Variants in PDE4D observed in about 807,000 individuals in gnomAD.
The protein encoded by PDE4D is phosphodiesterase 4D, also known as 3',5'-cyclic-AMP phosphodiesterase 4D.
PDE4D carries 24 observed loss-of-function variants against 87.4 expected under a neutral mutation model. The ratio of observed to expected loss-of-function variants is 0.27; its 90% CI spans 0.20 to 0.39. The LOEUF (loss-of-function observed/expected upper bound fraction) is 0.39. Ranked by LOEUF, PDE4D falls within the 10% of genes least tolerant of loss-of-function variation. The pLI, the probability that PDE4D is intolerant of heterozygous loss-of-function variation, is 1.00. For missense variants in PDE4D, 714 were observed against 1,041.0 expected, an observed-to-expected ratio of 0.69 and a Z score of 4.32; for synonymous variants, 384 against 383.2, an observed-to-expected ratio of 1.00 and a Z score of -0.02.
intron 1 of PDE4D, among the ~76,000 whole-genome samples, chr5:59,517,406 C>G (rs977797305): frequency 2.0e-5 from 3 of 152,140 alleles, no homozygotes; most frequent in Admixed American, 2.0e-4. Flanking sequence ...TTTTAAAGAT[C>G]AAATGCCTAC....
At position 59,185,208 on chromosome 5, in the gene PDE4D, G is replaced by C. The variant is rs1742621005; in HGVS notation, c.739C>G (p.Gln247Glu). ...TCTTACTTGCTAGGTGCTCGATCTT[G>C]CAAATTAGTTAATGCAGCAAAGTTG... The part of the protein sequence containing the change: ...RNNFAALTNL[Q>E]DRAPSKRSPM... Residue 247 changes from glutamine to glutamate, a missense_variant, in exon 4 of 15, where the codon CAA becomes GAA. Physicochemically the swap from Gln to Glu is conservative, Grantham distance 29. This residue lies in a region of PDE4D where 90 missense variants were observed against 177.6 expected (regional missense o/e 0.51). Coordinates refer to ENST00000340635, the MANE Select transcript of PDE4D (RefSeq NM_001104631.2). The C allele has an allele frequency of 6.2e-7, 1 of 1,612,588 alleles. No homozygotes were observed. The highest frequency in any genetic ancestry group is 8.5e-7 in the Non-Finnish European group (1 of 1,178,872).
Position 58,972,994 on chromosome 5 carries a change from G to T in PDE4D, c.*1670C>A, listed in dbSNP as rs999658660. 1.3e-5 allele frequency: 2 copies of T among 152,164 alleles called. No individual in the cohort carries two copies. Among genetic ancestry groups the T allele is most frequent in the Non-Finnish European group, 2.9e-5 (2 of 68,034 alleles). The allele number at this position is 152,164 out of a possible 1,614,324, so 9.4% of individuals were successfully genotyped here. A position where few individuals can be genotyped will look rare whatever the true frequency, so the allele number is the denominator to read the frequency against. ...TTCCCCTCTGCAAGATATGCTTATG[G>T]ATCGAGGATAAGTGATAAAGGACTT... On this transcript the variant is annotated 3_prime_UTR_variant, in exon 15 of 15. Coordinates refer to ENST00000340635, the MANE Select transcript of PDE4D (RefSeq NM_001104631.2).
chr5:60,108,008 G>C (rs911184786), intron 2 of PDE4D, among the ~76,000 whole-genome samples: 1 of 152,080 alleles, frequency 6.6e-6, no homozygotes, highest in African/African-American at 2.4e-5. Context: ...GTTCTGACCA[G>C]GGCAATTAAG....
intron 1 of PDE4D, among the ~76,000 whole-genome samples, chr5:59,594,927 A>G (rs1360428950): frequency 1.3e-5 from 2 of 151,886 alleles, no homozygotes; most frequent in Non-Finnish European, 2.9e-5. Flanking sequence ...AAAAAAATGT[A>G]CCACTTTTGT....
intron 3 of PDE4D, among the ~76,000 whole-genome samples, chr5:59,967,228 A>G (rs1760145790): frequency 6.6e-6 from 1 of 152,156 alleles, no homozygotes; most frequent in Admixed American, 6.6e-5. Context: ...GAAATTGCAA[A>G]ACATTCAAAT....
chr5:58,976,079 G>C (rs1413586020), intron 13 of PDE4D, among the ~76,000 whole-genome samples: 1 of 152,094 alleles, frequency 6.6e-6, no homozygotes, highest in Non-Finnish European at 1.5e-5. Flanking sequence ...TTATGTGCAT[G>C]GCTGACTAGA....
chr5:59,819,513 T>C (rs542909854), intron 1 of PDE4D, among the ~76,000 whole-genome samples: 1 of 152,340 alleles, frequency 6.6e-6, no homozygotes, highest in East Asian at 1.9e-4. Context: ...AATGCTGATG[T>C]TATTTCTACG....
At chr5:60,460,665 C>T in intron 1 of PDE4D, 1 of 1,111,356 alleles carries the variant, frequency 9.0e-7, no homozygotes, top group Non-Finnish European at 1.4e-6. Context: ...CCAATGTCTC[C>T]TCCGGTCCCA....
chr5:59,540,879 G>A (rs1162745789), intron 1 of PDE4D, among the ~76,000 whole-genome samples: 4 of 152,126 alleles, frequency 2.6e-5, no homozygotes, highest in Non-Finnish European at 2.9e-5. Context: ...TCATTGTGCT[G>A]AGAAGAGCAA....
intron 3 of PDE4D, among the ~76,000 whole-genome samples, chr5:59,912,359 G>A (rs1053048984): frequency 9.9e-5 from 15 of 152,052 alleles, no homozygotes; most frequent in African/African-American, 2.9e-4. Context: ...AATATTTCCC[G>A]GGAAGGAAAA....
At chr5:59,957,019 G>T (rs1758905943) in intron 3 of PDE4D, among the ~76,000 whole-genome samples, 1 of 152,076 alleles carries the variant, frequency 6.6e-6, no homozygotes. Context: ...AACAAGACTG[G>T]CACTGACTTA....
At chr5:60,172,340 C>T (rs1783540253) in intron 2 of PDE4D, among the ~76,000 whole-genome samples, 1 of 150,422 alleles carries the variant, frequency 6.6e-6, no homozygotes, top group South Asian at 2.1e-4. Context: ...CTTCTGTGGG[C>T]AATACAATAA....
intron 1 of PDE4D, among the ~76,000 whole-genome samples, chr5:59,669,512 A>G (rs1031467387): frequency 2.0e-5 from 3 of 152,192 alleles, no homozygotes; most frequent in African/African-American, 7.2e-5. Flanking sequence ...TTTTTGACTC[A>G]TGCTGAAGTT....
At chr5:59,739,239 G>C (rs1303728174) in intron 1 of PDE4D, among the ~76,000 whole-genome samples, 1 of 152,104 alleles carries the variant, frequency 6.6e-6, no homozygotes, top group Non-Finnish European at 1.5e-5. Flanking sequence ...ACGCAATATG[G>C]TGAAACCCCA....
At chr5:60,512,040 T>A (rs1330740670) in intron 1 of PDE4D, among the ~76,000 whole-genome samples, 1 of 152,132 alleles carries the variant, frequency 6.6e-6, no homozygotes, top group Non-Finnish European at 1.5e-5. Flanking sequence ...CTGAGAATAT[T>A]CAATGAAACA....
At chr5:60,349,176 A>G (rs1758981243) in intron 1 of PDE4D, among the ~76,000 whole-genome samples, 1 of 152,180 alleles carries the variant, frequency 6.6e-6, no homozygotes, top group African/African-American at 2.4e-5. Context: ...TGCAGACTAT[A>G]GTTAATGCAC....
At chr5:60,307,909 T>C (rs1046181602) in intron 1 of PDE4D, among the ~76,000 whole-genome samples, 32 of 152,040 alleles carry the variant, frequency 2.1e-4, no homozygotes, top group Non-Finnish European at 4.3e-4. Flanking sequence ...GGCATGGTGG[T>C]GGACACCTGT....
intron 1 of PDE4D, among the ~76,000 whole-genome samples, chr5:59,408,407 TG>T (rs761457478): frequency 2.0e-5 from 3 of 152,258 alleles, no homozygotes; most frequent in East Asian, 1.9e-4. Context: ...TCAGAAAGCC[TG>T]GGTGTCCAGG....
At chr5:60,301,342 T>C (rs1753872931) in intron 1 of PDE4D, among the ~76,000 whole-genome samples, 1 of 152,228 alleles carries the variant, frequency 6.6e-6, no homozygotes, top group Admixed American at 6.5e-5. Flanking sequence ...TTCCCATCCA[T>C]GAGCATGAAA....
Sources: allele counts gnomAD v4.1 joint callset (sites outside exome capture counted in the v4.1 genomes callset), GRCh38; gene constraint gnomAD v4.1.1; regional missense constraint gnomAD v4.1.1; transcripts MANE v1.5; gene names NCBI Gene and HGNC (gene_info 2026-07-23, HGNC 2026-07-21).